CAPN3: variants seen among roughly 807,000 people sequenced by gnomAD.
The protein encoded by CAPN3 is calpain 3.
Under a neutral mutation model 114.0 loss-of-function variants are expected in CAPN3, and 88 were observed. The observed-to-expected ratio is 0.77, with a 90% CI of 0.65 to 0.92. The LOEUF (loss-of-function observed/expected upper bound fraction) is 0.92, where lower values mean the gene tolerates loss of function less well. CAPN3 is among the 40% of genes least tolerant of loss of function. The pLI is 0.00. For missense variants in CAPN3, 1,028 were observed against 1,069.0 expected (o/e 0.96, Z 0.53); for synonymous variants, 386 against 382.9 (o/e 1.01, Z -0.09).
rs1266858562 is a variant in CAPN3, at chr15:42,411,430, C to T, written c.2439+85C>T. 3 of 1,210,838 alleles carry T rather than the reference C, an allele frequency of 2.5e-6. No homozygotes were observed. The African/African-American group carries it at 4.5e-5, about 18-fold the overall frequency. The allele number at this position is 1,210,838 out of a possible 1,614,324, so 75.0% of individuals were successfully genotyped here. ...CGGGGCGGACTGGACCCAGGGTGTG[C>T]TCCTCATTTCCACACAGTGGTGGAG... On this transcript the variant is annotated intron_variant, in intron 23 of 23. Coordinates refer to ENST00000397163, the MANE Select transcript of CAPN3 (RefSeq NM_000070.3).
intron 1 of CAPN3, among the ~76,000 whole-genome samples, chr15:42,373,276 C>T (rs956736332): frequency 1.3e-5 from 2 of 152,190 alleles, no homozygotes; most frequent in Non-Finnish European, 2.9e-5. Flanking sequence ...ATTCAAAATG[C>T]AGAGTCCCAG....
In CAPN3 at chr15:42,399,607, C is replaced by T. The variant is rs777483913; in HGVS notation, c.1309C>T (p.Arg437Cys). Residue 437 changes from arginine to cysteine, a missense_variant, in exon 10 of 24, where the codon CGC becomes TGC. By Grantham distance (180) the Arg-to-Cys change is radical (BLOSUM62 -3). Transcript: ENST00000397163. The stretch of plus-strand genomic sequence containing the variant: ...CTGGACAGTGTCTGTGAACGAGGGC[C>T]GCTGGGTACGGGGTTGCTCTGCCGG... The part of the protein sequence containing the change: ...QTWTVSVNEG[R>C]WVRGCSAGGC... The T allele has an allele frequency of 1.2e-5, 20 of 1,613,116 alleles. No homozygotes were observed. The highest frequency in any genetic ancestry group is 3.3e-5 in the Admixed American group (2 of 59,904).
chr15:42,406,837 C>G (rs942232170), intron 15 of CAPN3, among the ~76,000 whole-genome samples: 1 of 152,112 alleles, frequency 6.6e-6, no homozygotes, highest in Non-Finnish European at 1.5e-5. Flanking sequence ...CTCTGGGATC[C>G]CCACAAGCTT....
chr15:42,386,392 C>CGCA, intron 3 of CAPN3, 107 bp downstream of exon 3: 1 of 828,816 alleles, frequency 1.2e-6, no homozygotes, highest in Non-Finnish European at 2.1e-6. Context: ...CCCATCTACC[C>CGCA]GCAGCGGCAA....
Position 42,359,644 on chromosome 15 carries a change from C to T in CAPN3, c.-162C>T. The T allele has an allele frequency of 6.8e-7, 1 of 1,480,066 alleles. No homozygotes were observed. Among genetic ancestry groups the T allele is most frequent in the Non-Finnish European group, 8.9e-7 (1 of 1,121,288 alleles). 91.7% of individuals were successfully genotyped at this position (1,480,066 alleles called of 1,614,324 possible). Reference sequence around the variant, plus strand: ...GCTCGGTTTTTAAGATGGACATAACCTGTACGACCTTCTGATGGGCTTTCA... The same window carrying T: ...GCTCGGTTTTTAAGATGGACATAACTTGTACGACCTTCTGATGGGCTTTCA... On this transcript the variant is annotated 5_prime_UTR_variant, in exon 1 of 24. Transcript: ENST00000397163.
At chr15:42,410,199 C>T (rs995840326) in intron 19 of CAPN3, among the ~76,000 whole-genome samples, 3 of 152,126 alleles carry the variant, frequency 2.0e-5, no homozygotes, top group African/African-American at 7.2e-5. Flanking sequence ...ACTGCCCTAA[C>T]CCCTGTGCTT....
chr15:42,386,326 C>T (rs899265656), intron 3 of CAPN3, 41 bp downstream of exon 3: 1 of 1,352,910 alleles, frequency 7.4e-7, no homozygotes. Flanking sequence ...CAGCGGCAGG[C>T]CACCCACCGC....
At chr15:42,365,070 A>G (rs757300031) in intron 1 of CAPN3, among the ~76,000 whole-genome samples, 2 of 152,094 alleles carry the variant, frequency 1.3e-5, no homozygotes, top group Non-Finnish European at 2.9e-5. Flanking sequence ...CCCTGACAAC[A>G]ATGAGGTTCC....
chr15:42,382,767 C>A (rs1270310369), intron 1 of CAPN3, among the ~76,000 whole-genome samples: 2 of 152,074 alleles, frequency 1.3e-5, no homozygotes, highest in Non-Finnish European at 2.9e-5. Flanking sequence ...AGGATATATT[C>A]CAAAAGGGAT....
chr15:42,410,994 A>T lies in CAPN3; in HGVS notation c.2374A>T (p.Met792Leu). ...FICCFVRLEG[M>L]FRAFHAFDKD... The stretch of plus-strand genomic sequence containing the variant: ...CTGCTGCTTCGTTAGGCTGGAGGGC[A>T]TGTTCAGTAAGTGGGAGAGGGGGGC... Residue 792 changes from methionine (M) to leucine (L), a missense_variant, in exon 22 of 24, where the codon ATG becomes TTG. By Grantham distance (15) the Met-to-Leu change is conservative. Transcript: ENST00000397163. 6.2e-7 allele frequency: 1 copy of T among 1,612,212 alleles called. No homozygotes were observed. Among genetic ancestry groups the T allele is most frequent in the South Asian group, 1.1e-5 (1 of 91,040 alleles).
At chr15:42,402,403 T>C (rs1340020093) in intron 12 of CAPN3, 28 of 1,442,562 alleles carry the variant, frequency 1.9e-5, no homozygotes, top group Admixed American at 5.4e-5. Flanking sequence ...TCCTCCACGC[T>C]TACAGCCACA....
chr15:42,368,037 A>T (rs2052833658), intron 1 of CAPN3, among the ~76,000 whole-genome samples: 1 of 152,226 alleles, frequency 6.6e-6, no homozygotes, highest in South Asian at 2.1e-4. Context: ...CTTTTCCAAC[A>T]TGGAGGACGT....
chr15:42,403,965 CG>C, intron 14 of CAPN3, 188 bp downstream of exon 14: 3 of 681,284 alleles, frequency 4.4e-6, no homozygotes, highest in Non-Finnish European at 8.1e-6. Context: ...CCTTAAGCAC[CG>C]GGGGCCATTG....
intron 20 of CAPN3, 25 bp downstream of exon 20, chr15:42,410,521 G>A (rs1434102044): frequency 6.2e-7 from 1 of 1,613,414 alleles, no homozygotes; most frequent in Middle Eastern, 1.7e-4. Context: ...TGAAGCGTGG[G>A]AGTCAAGAAT....
intron 14 of CAPN3, 49 bp from the exon 15 acceptor site, chr15:42,405,877 A>T: frequency 6.6e-7 from 1 of 1,526,244 alleles, no homozygotes; most frequent in Non-Finnish European, 9.1e-7. Flanking sequence ...CGGTTCTGAG[A>T]ACTTACTTTT....
intron 15 of CAPN3, 133 bp downstream of exon 15, chr15:42,406,076 C>A: frequency 1.2e-6 from 1 of 831,752 alleles, no homozygotes; most frequent in Non-Finnish European, 2.1e-6. Flanking sequence ...CCTTCCTGAG[C>A]TTCTGCTGGG....
intron 1 of CAPN3, among the ~76,000 whole-genome samples, chr15:42,375,865 T>G (rs770561578): frequency 6.6e-5 from 10 of 152,210 alleles, no homozygotes; most frequent in Non-Finnish European, 1.5e-4. Flanking sequence ...GATGTCCTTT[T>G]TCTGTTCCAA....
chr15:42,403,656 A>C, intron 13 of CAPN3, 85 bp from the exon 14 acceptor site: 52 of 1,283,340 alleles, frequency 4.1e-5, no homozygotes, highest in Non-Finnish European at 5.5e-5. Flanking sequence ...GGCTGCCAGG[A>C]AGCCGTGCAC....
chr15:42,380,040 C>T (rs986452189), intron 1 of CAPN3, among the ~76,000 whole-genome samples: 7 of 152,092 alleles, frequency 4.6e-5, no homozygotes, highest in African/African-American at 9.7e-5. Flanking sequence ...TGCTTGAAAC[C>T]GAGAGGCGGA....
Sources: allele counts gnomAD v4.1 joint callset (sites outside exome capture counted in the v4.1 genomes callset), GRCh38; gene constraint gnomAD v4.1.1; transcripts MANE v1.5; gene names NCBI Gene and HGNC (gene_info 2026-07-23, HGNC 2026-07-21).